The following PSAP variants were observed in gnomAD, a reference collection of about 807,000 sequenced individuals.
The protein encoded by PSAP is precursor of saposins.
In PSAP, 25 loss-of-function variants were observed where a neutral mutation model predicts 66.0. The observed-to-expected ratio is 0.38, with a 90% confidence interval of 0.28 to 0.53. PSAP has a LOEUF of 0.53. PSAP is among the 20% of genes least tolerant of loss of function. The probability of loss-of-function intolerance (pLI) is 0.83; values close to 1 mark genes in which losing one functional copy is unlikely to be tolerated. For synonymous variants in PSAP, 273 were observed against 258.9 expected, an observed-to-expected ratio of 1.05 and a Z score of -0.52; for missense variants, 649 against 668.8, an observed-to-expected ratio of 0.97 and a Z score of 0.33.
In PSAP at chr10:71,829,058, C is replaced by T; in HGVS notation, c.395G>A (p.Cys132Tyr). Reference protein sequence around the residue: ...KGEMSRPGEVCSALNLCESLQ... With the variant: ...KGEMSRPGEVYSALNLCESLQ... ...AGACTCGCAGAGGTTGAGAGCAGAG[C>T]ACACCTCCCCAGGACGGCTCTGGTG... is the stretch of plus-strand genomic sequence containing the variant. The change falls in exon 5 of 14, where the codon TGC (cysteine) becomes TAC (tyrosine). Residue 132 changes from cysteine to tyrosine, a missense_variant. By Grantham distance (194) the Cys-to-Tyr change is radical. Coordinates refer to ENST00000394936, the MANE Select transcript of PSAP (RefSeq NM_002778.4). 6.2e-7 allele frequency: 1 copy of T among 1,614,046 alleles called. No individual in the cohort carries two copies. Among genetic ancestry groups the T allele is most frequent in the Non-Finnish European group, 8.5e-7 (1 of 1,179,990 alleles).
chr10:71,821,889 A>T lies in PSAP; in HGVS notation c.896T>A (p.Val299Glu), dbSNP rs545556112. 1.2e-6 allele frequency: 2 copies of T among 1,614,194 alleles called. No individual in the cohort carries two copies. Among genetic ancestry groups the T allele is most frequent in the African/African-American group, 2.7e-5 (2 of 75,056 alleles). ...SKNVIPALELVEPIKKHEVPA... is the reference protein window; with the variant it reads ...SKNVIPALELEEPIKKHEVPA... Reference sequence around the variant, plus strand: ...GACACCAGGTACCTTAATGGGCTCCACCAGTTCCAGGGCAGGGATGACATT... The same window carrying T: ...GACACCAGGTACCTTAATGGGCTCCTCCAGTTCCAGGGCAGGGATGACATT... The change falls in exon 8 of 14, where the codon GTG (valine) becomes GAG (glutamate). Residue 299 changes from valine (V) to glutamate (E), a missense_variant. By Grantham distance (121) the Val-to-Glu change is moderately radical. Coordinates refer to ENST00000394936, the MANE Select transcript of PSAP (RefSeq NM_002778.4).
chr10:71,839,061 C>G (rs750585956), intron 1 of PSAP, among the ~76,000 whole-genome samples: 21 of 152,196 alleles, frequency 1.4e-4, no homozygotes, highest in Non-Finnish European at 2.2e-4. Flanking sequence ...CACCCTACCC[C>G]CAAATACCAG....
Position 71,834,514 on chromosome 10 carries a change from A to G in PSAP, c.41-9T>C. ...GACCGGGCCGGCTAGAGCTAAAATG[A>G]AAACCAACGTGAGGAGGTGGCCCAT... On this transcript the variant is annotated splice_polypyrimidine_tract_variant and intron_variant, in intron 1 of 13. Transcript: ENST00000394936. 1 of 1,613,572 alleles carries G rather than the reference A, an allele frequency of 6.2e-7. No individual in the cohort carries two copies. The highest frequency in any genetic ancestry group is 8.5e-7 in the Non-Finnish European group (1 of 1,179,854).
Position 71,821,965 on chromosome 10 carries a change from C to A in PSAP, c.820G>T (p.Val274Leu), listed in dbSNP as rs770699871. The A allele has an allele frequency of 6.2e-7, 1 of 1,614,198 alleles. No homozygotes were observed. Among genetic ancestry groups the A allele is most frequent in the Non-Finnish European group, 8.5e-7 (1 of 1,180,030 alleles). ...ICALVGFCDE[V>L]KEMPMQTLVP... is the part of the protein sequence containing the mutation. Reference sequence around the variant, plus strand: ...AGAGTCTGCATGGGCATCTCTTTCACCTCATCACAGAACCCAACCAGCGCA... The same window carrying A: ...AGAGTCTGCATGGGCATCTCTTTCAACTCATCACAGAACCCAACCAGCGCA... Residue 274 changes from valine to leucine, a missense_variant, in exon 8 of 14, where the codon GTG becomes TTG. By Grantham distance (32) the Val-to-Leu change is conservative (BLOSUM62 1). Coordinates refer to ENST00000394936, the MANE Select transcript of PSAP (RefSeq NM_002778.4).
At chr10:71,821,123 C>T (rs974435493) in intron 8 of PSAP, among the ~76,000 whole-genome samples, 1 of 152,232 alleles carries the variant, frequency 6.6e-6, no homozygotes, top group Admixed American at 6.5e-5. Context: ...TCCTGGATTC[C>T]AGCTGACACT....
chr10:71,839,949 C>A (rs534953956), intron 1 of PSAP, among the ~76,000 whole-genome samples: 1 of 152,298 alleles, frequency 6.6e-6, no homozygotes, highest in African/African-American at 2.4e-5. Context: ...TCAACGACCT[C>A]GCTTACAGAA....
intron 2 of PSAP, among the ~76,000 whole-genome samples, chr10:71,832,922 CAGA>C (rs1396907437): frequency 1.3e-5 from 2 of 149,334 alleles, no homozygotes; most frequent in African/African-American, 5.0e-5. Flanking sequence ...CAGGCTGAGG[CAGA>C]AGAATTGCTT....
At chr10:71,831,756 T>G (rs1254265046) in intron 3 of PSAP, 90 bp downstream of exon 3, 2 of 1,329,492 alleles carry the variant, frequency 1.5e-6, no homozygotes, top group East Asian at 2.3e-5. Context: ...GCCTACACCA[T>G]TCCTCTTTAG....
chr10:71,826,035 GC>G (rs1169857082), intron 6 of PSAP, 142 bp from the exon 7 acceptor site: 2 of 721,698 alleles, frequency 2.8e-6, no homozygotes, highest in Admixed American at 4.2e-5. Context: ...ATGAATGTCT[GC>G]TCTGGGCCAG....
At chr10:71,836,103 A>G (rs1250781617) in intron 1 of PSAP, among the ~76,000 whole-genome samples, 1 of 152,216 alleles carries the variant, frequency 6.6e-6, no homozygotes, top group Non-Finnish European at 1.5e-5. Flanking sequence ...AAGCAAATGA[A>G]TTATTCATCT....
intron 4 of PSAP, among the ~76,000 whole-genome samples, chr10:71,829,284 T>G (rs981054617): frequency 6.6e-6 from 1 of 152,146 alleles, no homozygotes; most frequent in African/African-American, 2.4e-5. Context: ...CTAAGCTTCC[T>G]CAATTCTCCT....
At position 71,834,477 on chromosome 10, in the gene PSAP, T is replaced by C. The variant is rs1220382181; in HGVS notation, c.69A>G (p.Lys23=). ...ACACTGCCGAGCCCCTGGTGCATTC[T>C]TTCAGTCCAAGGACCGGGCCGGCTA... ...AALAGPVLGL[K]ECTRGSAVWC... The change falls in exon 2 of 14, where the codon AAA becomes AAG. Residue 23 remains lysine (K), a synonymous_variant. Coordinates refer to ENST00000394936, the MANE Select transcript of PSAP (RefSeq NM_002778.4). 2 of 1,614,104 alleles carry C rather than the reference T, an allele frequency of 1.2e-6. No homozygotes were observed. The highest frequency in any genetic ancestry group is 1.7e-6 in the Non-Finnish European group (2 of 1,179,998).
chr10:71,836,165 G>C (rs1056666058), intron 1 of PSAP, among the ~76,000 whole-genome samples: 1 of 152,098 alleles, frequency 6.6e-6, no homozygotes, highest in African/African-American at 2.4e-5. Context: ...TCACAAACAC[G>C]TCCAGTTCGC....
At chr10:71,819,167 G>A in intron 11 of PSAP, 56 bp from the exon 12 acceptor site, 1 of 1,460,964 alleles carries the variant, frequency 6.8e-7, no homozygotes, top group Non-Finnish European at 9.6e-7. Flanking sequence ...AGCATAGTGG[G>A]GCACAAAAGG....
At chr10:71,828,787 T>G in intron 5 of PSAP, 90 bp downstream of exon 5, 1 of 1,438,026 alleles carries the variant, frequency 7.0e-7, no homozygotes, top group Non-Finnish European at 9.6e-7. Context: ...AGCCCCAGTT[T>G]AAGAACCACA....
chr10:71,843,158 G>A (rs1842758286), intron 1 of PSAP, among the ~76,000 whole-genome samples: 1 of 152,130 alleles, frequency 6.6e-6, no homozygotes, highest in Admixed American at 6.5e-5. Context: ...GCAACATCAA[G>A]CAGGGACCCG....
chr10:71,848,042 C>T (rs1174663042), intron 1 of PSAP, among the ~76,000 whole-genome samples: 1 of 152,246 alleles, frequency 6.6e-6, no homozygotes. Flanking sequence ...TCATGCCTTA[C>T]ACCTAGCTGA....
In PSAP at chr10:71,823,876, C is replaced by T. The variant is rs1443483392; in HGVS notation, c.778-1869G>A. On this transcript the variant is annotated intron_variant, in intron 7 of 13. Transcript: ENST00000394936. ...GCAGACCACTACTGCAAGCAGATTC[C>T]CCGACACATACCTGATCCTGCTGTT... 2.3e-6 allele frequency: 3 copies of T among 1,295,596 alleles called. No individual in the cohort carries two copies. In the Admixed American group the frequency reaches 6.8e-5, roughly 29 times the overall value. The allele number at this position is 1,295,596 out of a possible 1,614,324, so 80.3% of individuals were successfully genotyped here. A position where few individuals can be genotyped will look rare whatever the true frequency, so the allele number is the denominator to read the frequency against.
In PSAP at chr10:71,816,357, G is replaced by T. The variant is rs746999977; in HGVS notation, c.*1084C>A. The T allele has an allele frequency of 7.5e-5, 35 of 466,198 alleles. No homozygotes were observed. The highest frequency in any genetic ancestry group is 1.4e-4 in the Non-Finnish European group (31 of 223,094). The allele number at this position is 466,198 out of a possible 1,614,324, so 28.9% of individuals were successfully genotyped here. Reference sequence around the variant, plus strand: ...AACTTTAGTGCAAAACAAAAATCACGAAGTCCATTTAATAGCAACTTCATG... The same window carrying T: ...AACTTTAGTGCAAAACAAAAATCACTAAGTCCATTTAATAGCAACTTCATG... On this transcript the variant is annotated 3_prime_UTR_variant, in exon 14 of 14. Coordinates refer to ENST00000394936, the MANE Select transcript of PSAP (RefSeq NM_002778.4).
Sources: allele counts gnomAD v4.1 joint callset (sites outside exome capture counted in the v4.1 genomes callset), GRCh38; gene constraint gnomAD v4.1.1; transcripts MANE v1.5; gene names NCBI Gene and HGNC (gene_info 2026-07-23, HGNC 2026-07-21).